The following GREM2 variants were observed in gnomAD, a reference collection of about 807,000 sequenced individuals.
The protein encoded by GREM2 is gremlin 2, DAN family BMP antagonist.
GREM2 carries 11 observed loss-of-function variants against 14.2 expected under a neutral mutation model. The observed-to-expected ratio is 0.78, with a 90% confidence interval of 0.49 to 1.28. GREM2 has a LOEUF of 1.28. Ranked by LOEUF, GREM2 falls within the 50% of genes most tolerant of loss-of-function variation. The probability of loss-of-function intolerance (pLI) is 0.00; values close to 1 mark genes in which losing one functional copy is unlikely to be tolerated. For missense variants in GREM2, 210 were observed against 218.5 expected, an observed-to-expected ratio of 0.96 and a Z score of 0.24; for synonymous variants, 98 against 97.6, an observed-to-expected ratio of 1.00 and a Z score of -0.02.
chr1:240,510,357 G>A lies in GREM2; in HGVS notation c.-1-16881C>T, dbSNP rs1441059911. Among the ~76,000 whole-genome samples, 47 of 109,392 alleles carry A rather than the reference G, an allele frequency of 4.3e-4. 1 individual carries two copies. Among genetic ancestry groups the A allele is most frequent in the African/African-American group, 1.5e-3 (42 of 27,126 alleles). The allele number at this position is 109,392 out of a possible 152,430, so 71.8% of individuals were successfully genotyped here. A position where few individuals can be genotyped will look rare whatever the true frequency, so the allele number is the denominator to read the frequency against. On this transcript the variant is annotated intron_variant, in intron 1 of 1. Transcript: ENST00000318160. Reference sequence around the variant, plus strand: ...TGCACTCCAGCCTGGGCGACAGAGCGAGACTCCGTCGCAAAAAAAAAAAAA... The same window carrying A: ...TGCACTCCAGCCTGGGCGACAGAGCAAGACTCCGTCGCAAAAAAAAAAAAA...
At position 240,493,000 on chromosome 1, in the gene GREM2, G is replaced by C. The variant is rs1477277996; in HGVS notation, c.476C>G (p.Ser159Cys). Residue 159 changes from serine (S) to cysteine (C), a missense_variant, in exon 2 of 2, where the codon TCC becomes TGC. Transcript: ENST00000318160. ...IQKVKQCRCM[S>C]VNLSDSDKQ ...CTTGTCCGAGTCGCTCAGGTTCACGGACATGCACCGGCACTGCTTCACCTT... is the reference window on the plus strand; with the variant it reads ...CTTGTCCGAGTCGCTCAGGTTCACGCACATGCACCGGCACTGCTTCACCTT... 6.4e-7 allele frequency: 1 copy of C among 1,567,948 alleles called. No individual in the cohort carries two copies. The highest frequency in any genetic ancestry group is 1.3e-5 in the African/African-American group (1 of 74,280).
At chr1:240,567,719 G>T (rs970459635) in intron 1 of GREM2, among the ~76,000 whole-genome samples, 5 of 152,310 alleles carry the variant, frequency 3.3e-5, no homozygotes, top group African/African-American at 1.2e-4. Flanking sequence ...TGTACAGAGG[G>T]ATGTAGAGCA....
intron 1 of GREM2, among the ~76,000 whole-genome samples, chr1:240,555,939 C>T (rs533349327): frequency 9.3e-4 from 141 of 152,226 alleles, no homozygotes; most frequent in Non-Finnish European, 1.7e-3. Context: ...CTTATTTTCC[C>T]TTTTGAATTT....
In GREM2 at chr1:240,542,970, C is replaced by T. The variant is rs1678626692; in HGVS notation, c.-1-49494G>A. ...GTAAGATCCCACCAAAAAATATCAC[C>T]TTCTTTGTGAAGCCTCTTACTTTCC... On this transcript the variant is annotated intron_variant, in intron 1 of 1. Coordinates refer to ENST00000318160, the MANE Select transcript of GREM2 (RefSeq NM_022469.4). This position sits in a 1 kb window ranked among gnomAD's most constrained non-coding sequence, Gnocchi z 4.1. Among the ~76,000 whole-genome samples the T allele has an allele frequency of 6.6e-6, 1 of 152,182 alleles. No homozygotes were observed.
At position 240,526,750 on chromosome 1, in the gene GREM2, C is replaced by T. The variant is rs532608670; in HGVS notation, c.-1-33274G>A. Among the ~76,000 whole-genome samples, 13 of 152,190 alleles carry T rather than the reference C, an allele frequency of 8.5e-5. No individual in the cohort carries two copies. The South Asian group carries it at 2.7e-3, about 32-fold the overall frequency. On this transcript the variant is annotated intron_variant, in intron 1 of 1. Coordinates refer to ENST00000318160, the MANE Select transcript of GREM2 (RefSeq NM_022469.4). ...TTTTGCTGTTCCAAATTACAATGTT[C>T]CAAATTACGAAAAAAAAATCTGTGC...
Position 240,492,859 on chromosome 1 carries a change from G to A in GREM2, c.*110C>T. Reference sequence around the variant, plus strand: ...CCTAAGAGAAGTGCTTGCTGCTGAGGGGGAACACCAGGCAGCGTGACAGTG... The same window carrying A: ...CCTAAGAGAAGTGCTTGCTGCTGAGAGGGAACACCAGGCAGCGTGACAGTG... On this transcript the variant is annotated 3_prime_UTR_variant, in exon 2 of 2. Coordinates refer to ENST00000318160, the MANE Select transcript of GREM2 (RefSeq NM_022469.4). 1 of 1,102,854 alleles carries A rather than the reference G, an allele frequency of 9.1e-7. No homozygotes were observed. Among genetic ancestry groups the A allele is most frequent in the Non-Finnish European group, 1.2e-6 (1 of 852,354 alleles). 68.3% of individuals were successfully genotyped at this position (1,102,854 alleles called of 1,614,324 possible). A position where few individuals can be genotyped will look rare whatever the true frequency, so the allele number is the denominator to read the frequency against.
chr1:240,583,835 C>G (rs1289457095), intron 1 of GREM2, among the ~76,000 whole-genome samples: 2 of 152,106 alleles, frequency 1.3e-5, no homozygotes, highest in Non-Finnish European at 2.9e-5. Flanking sequence ...ATCTCTTGAC[C>G]TCGTGATCTG....
intron 1 of GREM2, among the ~76,000 whole-genome samples, chr1:240,573,110 T>G (rs1218470981): frequency 6.6e-6 from 1 of 151,504 alleles, no homozygotes; most frequent in Non-Finnish European, 1.5e-5. Context: ...ATAATACTAA[T>G]AAAATATTTT....
intron 1 of GREM2, among the ~76,000 whole-genome samples, chr1:240,610,254 T>A (rs1197767910): frequency 6.6e-6 from 1 of 152,198 alleles, no homozygotes; most frequent in Non-Finnish European, 1.5e-5. Context: ...TATATTTATT[T>A]GCACAGATCA....
chr1:240,607,954 G>A (rs917648325), intron 1 of GREM2, among the ~76,000 whole-genome samples: 3 of 152,218 alleles, frequency 2.0e-5, no homozygotes, highest in Non-Finnish European at 4.4e-5. Flanking sequence ...AAGAATGTAT[G>A]TGAAAATATA....
At chr1:240,521,566 G>T (rs571659100) in intron 1 of GREM2, among the ~76,000 whole-genome samples, 1 of 151,818 alleles carries the variant, frequency 6.6e-6, no homozygotes, top group East Asian at 1.9e-4. Flanking sequence ...GTGAGACTCC[G>T]TCTCAAAAAA....
intron 1 of GREM2, among the ~76,000 whole-genome samples, chr1:240,552,019 C>T (rs956808707): frequency 1.3e-5 from 2 of 150,818 alleles, no homozygotes; most frequent in East Asian, 1.9e-4. Flanking sequence ...CTCCATTGAA[C>T]CACAGTGTCT....
intron 1 of GREM2, among the ~76,000 whole-genome samples, chr1:240,562,871 AGT>A (rs762200788): frequency 1.3e-4 from 18 of 139,448 alleles, no homozygotes; most frequent in Admixed American, 1.4e-4. Flanking sequence ...TGTATATGTG[AGT>A]GTGTATGTGT....
At chr1:240,607,037 A>G (rs2102875152) in intron 1 of GREM2, among the ~76,000 whole-genome samples, 1 of 152,330 alleles carries the variant, frequency 6.6e-6, no homozygotes, top group African/African-American at 2.4e-5. Flanking sequence ...TCTAAGTCTT[A>G]GTAATGTCAT....
At chr1:240,513,125 TG>T (rs1346924286) in intron 1 of GREM2, among the ~76,000 whole-genome samples, 1 of 152,124 alleles carries the variant, frequency 6.6e-6, no homozygotes, top group Non-Finnish European at 1.5e-5. Context: ...GAGAATGGTG[TG>T]GGGTAGGACA....
chr1:240,573,590 G>A (rs1046139836), intron 1 of GREM2, among the ~76,000 whole-genome samples: 14 of 152,114 alleles, frequency 9.2e-5, no homozygotes, highest in African/African-American at 2.4e-4. Flanking sequence ...TTGCCCTGGC[G>A]TCCTGCGATC....
At chr1:240,558,207 C>T (rs1465854647) in intron 1 of GREM2, among the ~76,000 whole-genome samples, 1 of 151,946 alleles carries the variant, frequency 6.6e-6, no homozygotes, top group Admixed American at 6.6e-5. Context: ...AAAATTAAGA[C>T]TTCATAACAT....
rs898808427 is a variant in GREM2, at chr1:240,607,679, G to A, written c.-2+4205C>T. ...GTTGCTCTCAAGTAGTGGGCCTGAGGGTGAATATTTTTCATCTGTTTTTCG... is the reference window on the plus strand; with the variant it reads ...GTTGCTCTCAAGTAGTGGGCCTGAGAGTGAATATTTTTCATCTGTTTTTCG... On this transcript the variant is annotated intron_variant, in intron 1 of 1. Coordinates refer to ENST00000318160, the MANE Select transcript of GREM2 (RefSeq NM_022469.4). 3.3e-5 allele frequency among the ~76,000 whole-genome samples: 5 copies of A among 152,210 alleles called. No homozygotes were observed. The South Asian group carries it at 1.0e-3, about 32-fold the overall frequency.
At chr1:240,576,381 G>C (rs1478240728) in intron 1 of GREM2, among the ~76,000 whole-genome samples, 1 of 152,098 alleles carries the variant, frequency 6.6e-6, no homozygotes. Context: ...TCCTGGTTTC[G>C]CTTAGAGTGT....
Sources: gnomAD v4.1 joint callset for allele counts (sites outside exome capture counted in the v4.1 genomes callset) on GRCh38, gnomAD v4.1.1 for gene constraint, Gnocchi (gnomAD v3.1) non-coding constraint, MANE v1.5 for transcripts, NCBI Gene and HGNC (gene_info 2026-07-23, HGNC 2026-07-21) for gene names.